The following CRISPLD1 variants were observed in gnomAD, a reference collection of about 807,000 sequenced individuals.
CRISPLD1 encodes cysteine-rich secretory protein LCCL domain-containing 1.
CRISPLD1 carries 60 observed loss-of-function variants against 77.5 expected under a neutral mutation model. The ratio of observed to expected loss-of-function variants is 0.77; its 90% CI spans 0.63 to 0.96. The LOEUF is 0.96. Among genes scored for constraint, CRISPLD1 ranks in the 40% least tolerant of loss-of-function variants. The pLI, the probability that CRISPLD1 is intolerant of heterozygous loss-of-function variation, is 0.00. For missense variants in CRISPLD1, 623 were observed against 615.8 expected, an observed-to-expected ratio of 1.01 and a Z score of -0.12; for synonymous variants, 195 against 200.1, an observed-to-expected ratio of 0.97 and a Z score of 0.22.
rs1363803138 is a variant in CRISPLD1 at position 74,984,890 on chromosome 8, C to T, written c.-93C>T. On this transcript the variant is annotated 5_prime_UTR_variant, in exon 1 of 15. Transcript: ENST00000262207. ...CAGAGGCCGGCCGTCCGGTTTGGCTCACCTCTCCCAGGAAACTTCACACTG... is the reference window on the plus strand; with the variant it reads ...CAGAGGCCGGCCGTCCGGTTTGGCTTACCTCTCCCAGGAAACTTCACACTG... 1.3e-5 allele frequency: 2 copies of T among 152,214 alleles called. No individual in the cohort carries two copies. Among genetic ancestry groups the T allele is most frequent in the African/African-American group, 4.8e-5 (2 of 41,424 alleles). 9.4% of individuals were successfully genotyped at this position (152,214 alleles called of 1,614,324 possible). A position where few individuals can be genotyped will look rare whatever the true frequency, so the allele number is the denominator to read the frequency against.
chr8:74,998,027 T>G (rs191234893), intron 2 of CRISPLD1, among the ~76,000 whole-genome samples: 3 of 152,272 alleles, frequency 2.0e-5, no homozygotes, highest in Non-Finnish European at 4.4e-5. Context: ...TGCTTTTTTG[T>G]TTTTTAGAGA....
intron 2 of CRISPLD1, among the ~76,000 whole-genome samples, chr8:74,992,632 T>C (rs1812588402): frequency 6.6e-6 from 1 of 152,192 alleles, no homozygotes; most frequent in Admixed American, 6.5e-5. Context: ...ATGAGAAGTG[T>C]TGGCAGACCC....
chr8:75,012,435 A>C lies in CRISPLD1; in HGVS notation c.261A>C (p.Thr87=). 2 of 1,603,060 alleles carry C rather than the reference A, an allele frequency of 1.2e-6. No individual in the cohort carries two copies. The highest frequency in any genetic ancestry group is 1.7e-6 in the Non-Finnish European group (2 of 1,170,242). Residue 87 remains threonine (T), a splice_region_variant and synonymous_variant, in exon 3 of 15, where the codon ACA becomes ACC. Transcript: ENST00000262207. ...TTTGCTTTTGTTTTAAACTGTAGACATGGGATGTAGAGCTGGAAAGATCTG... is the reference window on the plus strand; with the variant it reads ...TTTGCTTTTGTTTTAAACTGTAGACCTGGGATGTAGAGCTGGAAAGATCTG... ...YPTASNMEYM[T]WDVELERSAE... is the part of the protein sequence containing the mutation.
intron 4 of CRISPLD1, among the ~76,000 whole-genome samples, chr8:75,013,380 C>CATATAT (rs56292472): frequency 6.6e-6 from 1 of 150,986 alleles, no homozygotes; most frequent in Non-Finnish European, 1.5e-5. Context: ...ACATGTGCAA[C>CATATAT]ATATATATAT....
At position 74,985,906 on chromosome 8, in the gene CRISPLD1, C is replaced by A; in HGVS notation, c.-62-20C>A. The A allele has an allele frequency of 7.0e-7, 1 of 1,434,734 alleles. No individual in the cohort carries two copies. Among genetic ancestry groups the A allele is most frequent in the Non-Finnish European group, 9.4e-7 (1 of 1,062,400 alleles). 88.9% of individuals were successfully genotyped at this position (1,434,734 alleles called of 1,614,324 possible). On this transcript the variant is annotated intron_variant, in intron 1 of 14. Transcript: ENST00000262207. ...TATCTGCTGGAATTTTCATCTTAAT[C>A]ACATGACATGTCGTTATAGCCAAAA...
chr8:75,010,216 C>A (rs1190969593), intron 2 of CRISPLD1, among the ~76,000 whole-genome samples: 1 of 151,930 alleles, frequency 6.6e-6, no homozygotes, highest in Non-Finnish European at 1.5e-5. Context: ...TGATTTGATC[C>A]ATATTTCAGA....
intron 2 of CRISPLD1, among the ~76,000 whole-genome samples, chr8:75,009,468 G>T (rs538341341): frequency 6.6e-6 from 1 of 152,144 alleles, no homozygotes; most frequent in East Asian, 1.9e-4. Context: ...ACCTTTGGTG[G>T]AAAGGGTATT....
intron 2 of CRISPLD1, among the ~76,000 whole-genome samples, chr8:74,994,326 A>G (rs1178004053): frequency 6.6e-6 from 1 of 152,214 alleles, no homozygotes; most frequent in Non-Finnish European, 1.5e-5. Context: ...GATGAATGAA[A>G]TTGACTTGGT....
intron 5 of CRISPLD1, among the ~76,000 whole-genome samples, chr8:75,014,372 G>A (rs773420532): frequency 4.6e-5 from 7 of 151,902 alleles, no homozygotes; most frequent in Non-Finnish European, 1.0e-4. Flanking sequence ...CATAAATATT[G>A]AATAATTGTT....
chr8:75,019,597 T>C (rs912927553), intron 10 of CRISPLD1, among the ~76,000 whole-genome samples: 1 of 151,078 alleles, frequency 6.6e-6, no homozygotes, highest in Non-Finnish European at 1.5e-5. Context: ...ATATATTTTT[T>C]ATATATATAT....
intron 5 of CRISPLD1, among the ~76,000 whole-genome samples, 170 bp from the exon 6 acceptor site, chr8:75,014,642 A>G (rs776439110): frequency 5.9e-5 from 9 of 152,228 alleles, no homozygotes; most frequent in Admixed American, 1.3e-4. Flanking sequence ...TGAGGCAGTA[A>G]TTTATATTTA....
chr8:75,022,796 C>A (rs1383680029), intron 12 of CRISPLD1, among the ~76,000 whole-genome samples: 1 of 151,782 alleles, frequency 6.6e-6, no homozygotes, highest in Non-Finnish European at 1.5e-5. Context: ...CTCAAGAAGA[C>A]CTTGAAGAAA....
At chr8:75,023,391 C>T (rs1399408321) in intron 12 of CRISPLD1, among the ~76,000 whole-genome samples, 1 of 152,188 alleles carries the variant, frequency 6.6e-6, no homozygotes, top group Non-Finnish European at 1.5e-5. Flanking sequence ...AGGGGACACC[C>T]TTCTTCCTGC....
intron 6 of CRISPLD1, among the ~76,000 whole-genome samples, chr8:75,016,163 C>T (rs979172238): frequency 2.6e-5 from 4 of 152,096 alleles, no homozygotes; most frequent in African/African-American, 9.7e-5. Flanking sequence ...TGGGAGAAGT[C>T]TAAATGTGAT....
At chr8:75,000,078 G>A (rs1172506140) in intron 2 of CRISPLD1, 1 of 914,748 alleles carries the variant, frequency 1.1e-6, no homozygotes, top group African/African-American at 1.8e-5. Flanking sequence ...GCAAGACCAG[G>A]AGTGAACATG....
intron 10 of CRISPLD1, among the ~76,000 whole-genome samples, chr8:75,017,657 G>A (rs1352487153): frequency 6.6e-6 from 1 of 152,100 alleles, no homozygotes; most frequent in African/African-American, 2.4e-5. Flanking sequence ...TAATGGGCAT[G>A]CTAAAACTCC....
intron 10 of CRISPLD1, 136 bp from the exon 11 acceptor site, chr8:75,019,734 T>G (rs952060818): frequency 2.7e-5 from 18 of 659,638 alleles, no homozygotes; most frequent in Non-Finnish European, 4.5e-5. Context: ...TGATGTATTC[T>G]TATATTGCTA....
At chr8:75,022,812 T>C (rs1042392565) in intron 12 of CRISPLD1, among the ~76,000 whole-genome samples, 6 of 152,078 alleles carry the variant, frequency 3.9e-5, no homozygotes, top group Admixed American at 1.3e-4. Context: ...AGAAACAAGA[T>C]TCCTGCAAGT....
At position 75,030,198 on chromosome 8, in the gene CRISPLD1, T is replaced by C. The variant is rs1813309318; in HGVS notation, c.1451+681T>C. 1.3e-5 allele frequency among the ~76,000 whole-genome samples: 2 copies of C among 152,136 alleles called. 1 individual carries two copies. Among genetic ancestry groups the C allele is most frequent in the South Asian group, 4.1e-4 (2 of 4,830 alleles). ...AGAAAAATCCCTAACTTTTAGATAT[T>C]TCCTGGATTCTTCAAAATTGCTAAT... On this transcript the variant is annotated intron_variant, in intron 14 of 14. Coordinates refer to ENST00000262207, the MANE Select transcript of CRISPLD1 (RefSeq NM_031461.6).
Sources: gnomAD v4.1 joint callset for allele counts (sites outside exome capture counted in the v4.1 genomes callset) on GRCh38, gnomAD v4.1.1 for gene constraint, MANE v1.5 for transcripts, NCBI Gene and HGNC (gene_info 2026-07-23, HGNC 2026-07-21) for gene names.